The following TSPAN3 variants were observed in gnomAD, a reference collection of about 807,000 sequenced individuals.
TSPAN3 encodes tetraspanin 3, also known as tetraspanin-3.
Under a neutral mutation model 31.1 loss-of-function variants are expected in TSPAN3, and 9 were observed. That is an observed-to-expected ratio of 0.29 (90% CI 0.17 to 0.50). The LOEUF is 0.50. TSPAN3 is among the 20% of genes least tolerant of loss of function. The pLI is 0.98. For synonymous variants in TSPAN3, 129 were observed against 114.3 expected, an observed-to-expected ratio of 1.13 and a Z score of -0.82; for missense variants, 252 against 313.5, an observed-to-expected ratio of 0.80 and a Z score of 1.48.
chr15:77,054,147 T>C, intron 4 of TSPAN3, 31 bp downstream of exon 4: 1 of 1,551,628 alleles, frequency 6.4e-7, no homozygotes, highest in Non-Finnish European at 8.9e-7. Flanking sequence ...TGATTGGTCC[T>C]CAAAAACAAA....
chr15:77,068,637 C>T (rs557700617), intron 1 of TSPAN3, among the ~76,000 whole-genome samples: 2 of 152,222 alleles, frequency 1.3e-5, no homozygotes, highest in South Asian at 2.1e-4. Flanking sequence ...TAGCTGACAA[C>T]GTGTTTCTCA....
At chr15:77,067,971 G>A (rs2076843330) in intron 1 of TSPAN3, 1 of 152,200 alleles carries the variant, frequency 6.6e-6, no homozygotes, top group African/African-American at 2.4e-5. Flanking sequence ...CTTTGGCTCA[G>A]TCAACCTTAA....
intron 1 of TSPAN3, among the ~76,000 whole-genome samples, chr15:77,058,920 T>C (rs1271389184): frequency 6.6e-6 from 1 of 152,228 alleles, no homozygotes; most frequent in Non-Finnish European, 1.5e-5. Context: ...ATCGTAAATA[T>C]GTCATAAATA....
rs372533840 is a variant in TSPAN3 at position 77,056,133 on chromosome 15, G to A, written c.186C>T (p.Ala62=). Residue 62 remains alanine, a synonymous_variant, in exon 2 of 7, where the codon GCC becomes GCT. Coordinates refer to ENST00000267970, the MANE Select transcript of TSPAN3 (RefSeq NM_005724.6). ...IPAVVIIAVG[A]LLFIIGLIGC... is the part of the protein sequence containing the mutation. ...CAATTAGCCCAATGATGAAAAGCAG[G>A]GCTCCTACAGCTATGATCACTACAG... 112 of 1,612,928 alleles carry A rather than the reference G, an allele frequency of 6.9e-5. No individual in the cohort carries two copies. In the African/African-American group the frequency reaches 9.4e-4, roughly 13 times the overall value.
chr15:77,054,516 G>C, intron 3 of TSPAN3: 1 of 277,142 alleles, frequency 3.6e-6, no homozygotes, highest in East Asian at 6.8e-5. Flanking sequence ...CATTCAAAGA[G>C]AAGATTGTGT....
chr15:77,049,564 C>G (rs1322265584), intron 6 of TSPAN3, among the ~76,000 whole-genome samples: 1 of 152,114 alleles, frequency 6.6e-6, no homozygotes, highest in Non-Finnish European at 1.5e-5. Flanking sequence ...AGTGGCTACT[C>G]TCAAAGAAGT....
chr15:77,058,124 CCTTAT>C (rs1212652384), intron 1 of TSPAN3, among the ~76,000 whole-genome samples: 8 of 152,314 alleles, frequency 5.3e-5, no homozygotes, highest in African/African-American at 1.9e-4. Flanking sequence ...TTAATTTGGG[CCTTAT>C]CTTATCCCCC....
chr15:77,053,404 C>T (rs1409458066), intron 4 of TSPAN3, among the ~76,000 whole-genome samples: 5 of 129,294 alleles, frequency 3.9e-5, no homozygotes, highest in Non-Finnish European at 6.2e-5. Flanking sequence ...GCCAAGATCG[C>T]GCCACTGCAC....
At chr15:77,066,352 A>C (rs1380678123) in intron 1 of TSPAN3, among the ~76,000 whole-genome samples, 1 of 152,052 alleles carries the variant, frequency 6.6e-6, no homozygotes, top group Non-Finnish European at 1.5e-5. Flanking sequence ...CAGATGGATC[A>C]AGAGGTCAGG....
intron 1 of TSPAN3, among the ~76,000 whole-genome samples, chr15:77,059,040 G>C (rs902568791): frequency 1.3e-5 from 2 of 152,150 alleles, no homozygotes; most frequent in Non-Finnish European, 2.9e-5. Context: ...AAAAGTGGGG[G>C]GGAGTGGAGA....
At chr15:77,050,227 T>C (rs2076721820) in intron 6 of TSPAN3, among the ~76,000 whole-genome samples, 1 of 152,206 alleles carries the variant, frequency 6.6e-6, no homozygotes, top group African/African-American at 2.4e-5. Flanking sequence ...CAGGTACTCT[T>C]AAAAACAATT....
In TSPAN3 at chr15:77,056,272, C is replaced by G; in HGVS notation, c.64-17G>C. 2 of 1,566,564 alleles carry G rather than the reference C, an allele frequency of 1.3e-6. No homozygotes were observed. The highest frequency in any genetic ancestry group is 1.7e-6 in the Non-Finnish European group (2 of 1,161,318). ...AGCTGCCCCCTGTAGAAAACAAAGT[C>G]AGTACTGGTCTCTAAGCACTGCTGG... is the stretch of plus-strand genomic sequence containing the variant. On this transcript the variant is annotated splice_polypyrimidine_tract_variant and intron_variant, in intron 1 of 6. Transcript: ENST00000267970.
At chr15:77,068,983 T>C (rs915460720) in intron 1 of TSPAN3, among the ~76,000 whole-genome samples, 5 of 152,246 alleles carry the variant, frequency 3.3e-5, no homozygotes, top group African/African-American at 4.8e-5. Context: ...ATGATTTATA[T>C]TCCTTTGGGT....
intron 6 of TSPAN3, 123 bp downstream of exon 6, chr15:77,052,262 C>A: frequency 1.3e-6 from 1 of 799,296 alleles, no homozygotes; most frequent in South Asian, 1.6e-5. Context: ...GAGGCCAGTA[C>A]CTCAGTCACT....
At chr15:77,066,083 G>A (rs548331205) in intron 1 of TSPAN3, among the ~76,000 whole-genome samples, 5 of 152,122 alleles carry the variant, frequency 3.3e-5, no homozygotes, top group African/African-American at 1.2e-4. Context: ...AAAAGTAAAG[G>A]TAATTTGTAT....
At chr15:77,066,200 A>G (rs899113593) in intron 1 of TSPAN3, among the ~76,000 whole-genome samples, 3 of 152,234 alleles carry the variant, frequency 2.0e-5, no homozygotes, top group Non-Finnish European at 4.4e-5. Context: ...GGTCAGATTA[A>G]ATGACTTACC....
intron 1 of TSPAN3, among the ~76,000 whole-genome samples, chr15:77,057,117 G>A (rs887268093): frequency 2.6e-5 from 4 of 152,192 alleles, no homozygotes; most frequent in Non-Finnish European, 5.9e-5. Context: ...TCCAGCTGCA[G>A]AGTCTTACTT....
Position 77,055,819 on chromosome 15 carries a change from T to C in TSPAN3, c.300A>G (p.Val100=). The C allele has an allele frequency of 6.2e-7, 1 of 1,611,678 alleles. No individual in the cohort carries two copies. The highest frequency in any genetic ancestry group is 1.3e-5 in the African/African-American group (1 of 74,872). The stretch of plus-strand genomic sequence containing the variant: ...CTCTGTAAACATATCCCAAAACCAC[T>C]ACAACAACTTCTGTGACAAAAACCA... ...LLLVFVTEVV[V]VVLGYVYRAK... is the part of the protein sequence containing the mutation. The change falls in exon 3 of 7, where the codon GTA becomes GTG. Residue 100 remains valine (V), a synonymous_variant. Coordinates refer to ENST00000267970, the MANE Select transcript of TSPAN3 (RefSeq NM_005724.6).
intron 1 of TSPAN3, among the ~76,000 whole-genome samples, chr15:77,059,291 C>G (rs1486124272): frequency 2.0e-5 from 3 of 152,114 alleles, no homozygotes; most frequent in East Asian, 3.9e-4. Context: ...ACCGTGTTAG[C>G]CAGGATGGTC....
Sources: gnomAD v4.1 joint callset for allele counts (sites outside exome capture counted in the v4.1 genomes callset) on GRCh38, gnomAD v4.1.1 for gene constraint, MANE v1.5 for transcripts, NCBI Gene and HGNC (gene_info 2026-07-23, HGNC 2026-07-21) for gene names.